The following RUNX1T1 variants were observed in gnomAD, a reference collection of about 807,000 sequenced individuals.
RUNX1T1 encodes protein CBFA2T1.
A neutral mutation model predicts 62.8 loss-of-function variants in RUNX1T1; 4 were observed. That is an observed-to-expected ratio of 0.06 (90% confidence interval 0.03 to 0.15). The LOEUF (loss-of-function observed/expected upper bound fraction) is 0.15, where lower values mean the gene tolerates loss of function less well. RUNX1T1 is among the 10% of genes least tolerant of loss of function. The probability of loss-of-function intolerance (pLI) is 1.00; values close to 1 mark genes in which losing one functional copy is unlikely to be tolerated. For synonymous variants in RUNX1T1, 291 were observed against 286.0 expected, an observed-to-expected ratio of 1.02 and a Z score of -0.18; for missense variants, 508 against 754.3, an observed-to-expected ratio of 0.67 and a Z score of 3.82.
intron 1 of RUNX1T1, among the ~76,000 whole-genome samples, chr8:92,099,034 C>T (rs1029223359): frequency 2.0e-5 from 3 of 152,090 alleles, no homozygotes; most frequent in African/African-American, 7.2e-5. Context: ...ATAGCTTATT[C>T]TGGATAAAAT....
chr8:91,999,008 T>C (rs1819253328), intron 5 of RUNX1T1, among the ~76,000 whole-genome samples: 1 of 152,228 alleles, frequency 6.6e-6, no homozygotes, highest in African/African-American at 2.4e-5. Flanking sequence ...CTGTTTGTAG[T>C]GTTTTGCTTT....
At chr8:92,046,948 G>A (rs1829502898) in intron 1 of RUNX1T1, among the ~76,000 whole-genome samples, 1 of 152,178 alleles carries the variant, frequency 6.6e-6, no homozygotes, top group African/African-American at 2.4e-5. Flanking sequence ...ATGAGGCCCA[G>A]TGAGGTCTTC....
intron 1 of RUNX1T1, among the ~76,000 whole-genome samples, chr8:92,060,549 A>ATGTGTG (rs1457607602): frequency 1.9e-4 from 20 of 107,042 alleles, no homozygotes; most frequent in African/African-American, 6.0e-4. Flanking sequence ...ATATATATAT[A>ATGTGTG]TATATGTGTG....
intron 1 of RUNX1T1, among the ~76,000 whole-genome samples, chr8:92,051,991 T>G (rs1374333120): frequency 1.3e-5 from 2 of 152,154 alleles, no homozygotes; most frequent in East Asian, 3.8e-4. Flanking sequence ...GCTGCTCCTC[T>G]TCACCAGATG....
At chr8:92,030,988 A>G (rs1429280974) in intron 1 of RUNX1T1, among the ~76,000 whole-genome samples, 1 of 152,210 alleles carries the variant, frequency 6.6e-6, no homozygotes, top group Non-Finnish European at 1.5e-5. Flanking sequence ...ATTGATAGTT[A>G]TATGTGGAAC....
chr8:91,977,676 A>T (rs750787606), intron 8 of RUNX1T1, among the ~76,000 whole-genome samples: 1 of 152,278 alleles, frequency 6.6e-6, no homozygotes, highest in South Asian at 2.1e-4. Flanking sequence ...ATTGGATAAG[A>T]ATAAGAACAG....
chr8:92,032,215 T>A (rs992785686), intron 1 of RUNX1T1, among the ~76,000 whole-genome samples: 3 of 151,298 alleles, frequency 2.0e-5, no homozygotes, highest in African/African-American at 7.3e-5. Context: ...AAATACTAAG[T>A]TCAGAAATGG....
At chr8:92,034,745 C>CACACGTAT (rs1563810019) in intron 1 of RUNX1T1, among the ~76,000 whole-genome samples, 5 of 148,488 alleles carry the variant, frequency 3.4e-5, no homozygotes, top group Admixed American at 6.8e-5. Flanking sequence ...CATATATATA[C>CACACGTAT]ACATATATAT....
At chr8:92,026,843 C>T (rs1384553729) in intron 1 of RUNX1T1, among the ~76,000 whole-genome samples, 13 of 148,186 alleles carry the variant, frequency 8.8e-5, no homozygotes, top group African/African-American at 3.0e-4. Context: ...AACGGCCGGG[C>T]GCGGTGGCTC....
chr8:92,046,254 C>T (rs1326242001), intron 1 of RUNX1T1, among the ~76,000 whole-genome samples: 3 of 152,082 alleles, frequency 2.0e-5, no homozygotes, highest in South Asian at 2.1e-4. Context: ...GACAAGTCTT[C>T]GGTATGTGTG....
intron 1 of RUNX1T1, among the ~76,000 whole-genome samples, chr8:92,098,859 CAG>C (rs1275416499): frequency 1.3e-5 from 2 of 152,166 alleles, no homozygotes; most frequent in African/African-American, 2.4e-5. Flanking sequence ...TTAAACAACA[CAG>C]AGATAACCTG....
intron 2 of RUNX1T1, among the ~76,000 whole-genome samples, chr8:92,016,063 A>G (rs1162666714): frequency 6.6e-6 from 1 of 152,220 alleles, no homozygotes; most frequent in African/African-American, 2.4e-5. Flanking sequence ...AGTCCCAAAG[A>G]TCTACTTTTG....
At chr8:92,038,486 A>T (rs1403839388) in intron 1 of RUNX1T1, among the ~76,000 whole-genome samples, 1 of 152,160 alleles carries the variant, frequency 6.6e-6, no homozygotes, top group Non-Finnish European at 1.5e-5. Context: ...GCTGTGGTCA[A>T]GGTTAGATGT....
chr8:92,067,918 C>T (rs2130690718), upstream of RUNX1T1, among the ~76,000 whole-genome samples: 1 of 152,254 alleles, frequency 6.6e-6, no homozygotes, highest in Middle Eastern at 3.4e-3. Flanking sequence ...AATGCTATAA[C>T]AGCTTTTAAC....
intron 5 of RUNX1T1, among the ~76,000 whole-genome samples, chr8:91,997,599 G>A (rs1373953483): frequency 6.6e-6 from 1 of 152,092 alleles, no homozygotes; most frequent in Non-Finnish European, 1.5e-5. Flanking sequence ...CTAGTCACCC[G>A]AGTAGAAACT....
intron 1 of RUNX1T1, among the ~76,000 whole-genome samples, chr8:92,080,184 G>A (rs1239993099): frequency 6.6e-6 from 1 of 151,978 alleles, no homozygotes; most frequent in Non-Finnish European, 1.5e-5. Context: ...CCTAGTTGTA[G>A]CCCCAAATGA....
At chr8:92,047,506 C>A (rs1829594205) in intron 1 of RUNX1T1, among the ~76,000 whole-genome samples, 1 of 152,102 alleles carries the variant, frequency 6.6e-6, no homozygotes, top group South Asian at 2.1e-4. Flanking sequence ...CCACACCCCA[C>A]CCACCTCACA....
intron 10 of RUNX1T1, among the ~76,000 whole-genome samples, chr8:91,962,173 C>T (rs1346473311): frequency 6.6e-6 from 1 of 152,146 alleles, no homozygotes; most frequent in East Asian, 1.9e-4. Context: ...CTCAAGAACT[C>T]CAATTTAAAA....
At chr8:92,058,804 A>C (rs568791274) in intron 1 of RUNX1T1, among the ~76,000 whole-genome samples, 1 of 152,348 alleles carries the variant, frequency 6.6e-6, no homozygotes, top group African/African-American at 2.4e-5. Context: ...GATAGTTAAT[A>C]AACATTTCTA....
Sources: gnomAD v4.1 joint callset for allele counts (sites outside exome capture counted in the v4.1 genomes callset) on GRCh38, gnomAD v4.1.1 for gene constraint, MANE v1.5 for transcripts, NCBI Gene and HGNC (gene_info 2026-07-23, HGNC 2026-07-21) for gene names.